ADCY8: variants seen among roughly 807,000 people sequenced by gnomAD.
The protein encoded by ADCY8 is adenylate cyclase 8.
ADCY8 carries 51 observed loss-of-function variants against 119.7 expected under a neutral mutation model. The ratio of observed to expected loss-of-function variants is 0.43; its 90% confidence interval spans 0.34 to 0.54. The LOEUF (loss-of-function observed/expected upper bound fraction) is 0.54, where lower values mean the gene tolerates loss of function less well. Ranked by LOEUF, ADCY8 falls within the 20% of genes least tolerant of loss-of-function variation. ADCY8 has a pLI of 0.03. For missense variants in ADCY8, 1,383 were observed against 1,598.8 expected (o/e 0.87, Z 2.30); for synonymous variants, 665 against 651.0 (o/e 1.02, Z -0.33).
chr8:130,887,062 ATAAC>A (rs890402563), intron 7 of ADCY8, among the ~76,000 whole-genome samples: 1 of 152,172 alleles, frequency 6.6e-6, no homozygotes, highest in Non-Finnish European at 1.5e-5. Flanking sequence ...AATTTAATAA[ATAAC>A]TATCTACTTT....
intron 1 of ADCY8, among the ~76,000 whole-genome samples, chr8:131,001,328 T>A (rs1822939695): frequency 6.6e-6 from 1 of 152,056 alleles, no homozygotes; most frequent in South Asian, 2.1e-4. Context: ...GGAAGCTTCC[T>A]ACTAAACGCC....
rs74774113 is a variant in ADCY8, at chr8:130,786,956, C to T, written c.3061-1481G>A. The stretch of plus-strand genomic sequence containing the variant: ...AAGGGGAGCATCCAGAAATAGGGGC[C>T]AGCATAGATGAGGTCTGGAAGTTGG... On this transcript the variant is annotated intron_variant, in intron 15 of 17. Coordinates refer to ENST00000286355, the MANE Select transcript of ADCY8 (RefSeq NM_001115.3). Among the ~76,000 whole-genome samples, 1,329 of 151,986 alleles carry T rather than the reference C, an allele frequency of 8.7e-3. 15 individuals are homozygous for T. The highest frequency in any genetic ancestry group is 0.03 in the African/African-American group (1,261 of 41,434).
At chr8:130,852,326 T>G (rs1817559562) in intron 9 of ADCY8, among the ~76,000 whole-genome samples, 1 of 151,664 alleles carries the variant, frequency 6.6e-6, no homozygotes, top group Non-Finnish European at 1.5e-5. Context: ...TCTGTAGGAG[T>G]TCTATATAAG....
At chr8:130,798,786 G>A (rs1815670066) in intron 15 of ADCY8, among the ~76,000 whole-genome samples, 1 of 152,110 alleles carries the variant, frequency 6.6e-6, no homozygotes, top group African/African-American at 2.4e-5. Context: ...AAGTTGATGA[G>A]ATGTCTGCAC....
chr8:131,016,187 TGGGGTTGG>T (rs1413657935), intron 1 of ADCY8, among the ~76,000 whole-genome samples: 1 of 147,794 alleles, frequency 6.8e-6, no homozygotes, highest in Non-Finnish European at 1.5e-5. Context: ...GAGAGTAACA[TGGGGTTGG>T]GGTGGGAATG....
chr8:130,833,758 G>A (rs1485791426), intron 12 of ADCY8, among the ~76,000 whole-genome samples: 1 of 152,176 alleles, frequency 6.6e-6, no homozygotes, highest in East Asian at 1.9e-4. Flanking sequence ...TGAGCAAACT[G>A]AGCACAGGGT....
intron 1 of ADCY8, among the ~76,000 whole-genome samples, chr8:130,997,354 A>G (rs761970905): frequency 6.6e-6 from 1 of 152,182 alleles, no homozygotes; most frequent in Non-Finnish European, 1.5e-5. Flanking sequence ...AAGTTATTCA[A>G]ACAAACTCAG....
chr8:130,929,358 T>C (rs1820564890), intron 5 of ADCY8, among the ~76,000 whole-genome samples: 2 of 152,316 alleles, frequency 1.3e-5, no homozygotes, highest in South Asian at 4.1e-4. Context: ...TCTCAAGAAA[T>C]TTTAAAATTT....
At chr8:130,876,775 G>T (rs1322511882) in intron 8 of ADCY8, among the ~76,000 whole-genome samples, 1 of 151,906 alleles carries the variant, frequency 6.6e-6, no homozygotes, top group Non-Finnish European at 1.5e-5. Flanking sequence ...CTTTTTTTTG[G>T]TCTCTATGGT....
At chr8:130,824,971 A>T (rs1203911006) in intron 12 of ADCY8, among the ~76,000 whole-genome samples, 1 of 152,172 alleles carries the variant, frequency 6.6e-6, no homozygotes, top group Admixed American at 6.5e-5. Context: ...GTTGTAGCAG[A>T]CAGTGTTCTT....
chr8:130,791,623 G>T (rs1256992430), intron 15 of ADCY8, among the ~76,000 whole-genome samples: 1 of 152,234 alleles, frequency 6.6e-6, no homozygotes, highest in Non-Finnish European at 1.5e-5. Context: ...ACAGGGCACA[G>T]CTTTAACCTC....
chr8:130,846,571 C>CCTTT (rs1817306034), intron 11 of ADCY8, among the ~76,000 whole-genome samples: 2 of 129,862 alleles, frequency 1.5e-5, no homozygotes, highest in Non-Finnish European at 3.3e-5. Flanking sequence ...TTCCTTCCTT[C>CCTTT]CCCTTCTTCC....
chr8:130,946,037 G>T (rs1821096509), intron 3 of ADCY8, among the ~76,000 whole-genome samples: 1 of 152,148 alleles, frequency 6.6e-6, no homozygotes, highest in African/African-American at 2.4e-5. Context: ...AAAAGTCATT[G>T]CTATGACAGG....
intron 12 of ADCY8, among the ~76,000 whole-genome samples, chr8:130,831,811 T>C (rs538113026): frequency 3.9e-5 from 6 of 152,270 alleles, no homozygotes; most frequent in Middle Eastern, 3.4e-3. Context: ...TTAGAGGACA[T>C]CAGTCCAGAG....
intron 15 of ADCY8, among the ~76,000 whole-genome samples, chr8:130,793,157 C>T (rs764789023): frequency 3.3e-5 from 5 of 152,264 alleles, no homozygotes; most frequent in South Asian, 2.1e-4. Context: ...GGGCTTAGAA[C>T]GTGGGCTTTT....
chr8:130,902,588 T>C lies in ADCY8; in HGVS notation c.1911+1184A>G, dbSNP rs569398863. Among the ~76,000 whole-genome samples the C allele has an allele frequency of 3.3e-5, 5 of 152,256 alleles. No individual in the cohort carries two copies. The South Asian group carries it at 8.3e-4, about 25-fold the overall frequency. ...CAGAAAGAAACCAAAGACAGCCTAG[T>C]CTCAGAGTGCCCCATCAAACTTTCA... On this transcript the variant is annotated intron_variant, in intron 7 of 17. Coordinates refer to ENST00000286355, the MANE Select transcript of ADCY8 (RefSeq NM_001115.3).
chr8:131,018,818 C>A (rs1194067998), intron 1 of ADCY8, among the ~76,000 whole-genome samples: 1 of 152,188 alleles, frequency 6.6e-6, no homozygotes, highest in Admixed American at 6.5e-5. Context: ...TCTGCCAAAC[C>A]ATCTTCTTCC....
At chr8:130,864,317 T>C (rs1818040702) in intron 9 of ADCY8, among the ~76,000 whole-genome samples, 1 of 152,192 alleles carries the variant, frequency 6.6e-6, no homozygotes, top group South Asian at 2.1e-4. Context: ...TCCTGGTTGG[T>C]TATTTTTATT....
At chr8:130,996,661 C>G (rs1387769045) in intron 1 of ADCY8, among the ~76,000 whole-genome samples, 1 of 151,846 alleles carries the variant, frequency 6.6e-6, no homozygotes, top group Non-Finnish European at 1.5e-5. Context: ...ATAGTCACCT[C>G]ATATTATATG....
Sources: allele counts gnomAD v4.1 joint callset (sites outside exome capture counted in the v4.1 genomes callset), GRCh38; gene constraint gnomAD v4.1.1; transcripts MANE v1.5; gene names NCBI Gene and HGNC (gene_info 2026-07-23, HGNC 2026-07-21).